Variants in SORL1 observed in about 807,000 individuals in gnomAD.
SORL1 encodes the protein sortilin-related receptor.
In SORL1, 127 loss-of-function variants were observed where a neutral mutation model predicts 273.7. That is an observed-to-expected ratio of 0.46 (90% CI 0.40 to 0.54). SORL1 has a LOEUF of 0.54. SORL1 is among the 20% of genes least tolerant of loss of function. The pLI is 0.00. For synonymous variants in SORL1, 1,031 were observed against 1,067.4 expected (o/e 0.97, Z 0.66); for missense variants, 2,494 against 2,846.1 (o/e 0.88, Z 2.81).
chr11:121,496,135 T>G (rs1258696754), intron 5 of SORL1, among the ~76,000 whole-genome samples: 2 of 152,186 alleles, frequency 1.3e-5, no homozygotes, highest in Non-Finnish European at 2.9e-5. Context: ...TGAGGAAGGC[T>G]TCCTGGAAGA....
At chr11:121,556,217 C>G (rs1400983896) in intron 18 of SORL1, among the ~76,000 whole-genome samples, 1 of 152,234 alleles carries the variant, frequency 6.6e-6, no homozygotes, top group African/African-American at 2.4e-5. Context: ...GCAGGACACA[C>G]ACGTTCTTGT....
chr11:121,460,791 GA>G (rs1860986531), intron 1 of SORL1, among the ~76,000 whole-genome samples: 1 of 152,204 alleles, frequency 6.6e-6, no homozygotes, highest in Non-Finnish European at 1.5e-5. Context: ...CACCTGTGGA[GA>G]AAGGCTAGCT....
rs78027917 is a variant in SORL1 at position 121,595,251 on chromosome 11, G to A, written c.4370-372G>A. Among the ~76,000 whole-genome samples, 22 of 152,256 alleles carry A rather than the reference G, an allele frequency of 1.4e-4. No individual in the cohort carries two copies. The highest frequency in any genetic ancestry group is 9.7e-4 in the East Asian group (5 of 5,176). ...GATGCCAGTTTCTGAACTTTTGGAGGACTGTGTGTTGTTGATCTGATTGGT... is the reference window on the plus strand; with the variant it reads ...GATGCCAGTTTCTGAACTTTTGGAGAACTGTGTGTTGTTGATCTGATTGGT... On this transcript the variant is annotated intron_variant, in intron 31 of 47. Transcript: ENST00000260197. This position sits in a 1 kb window ranked among gnomAD's most constrained non-coding sequence, Gnocchi z 5.1.
intron 6 of SORL1, among the ~76,000 whole-genome samples, chr11:121,504,304 C>T (rs960113554): frequency 2.2e-4 from 33 of 151,976 alleles, no homozygotes; most frequent in African/African-American, 7.2e-4. Context: ...CCTAGCTACT[C>T]GGGAGACTGA....
intron 25 of SORL1, 130 bp downstream of exon 25, chr11:121,577,530 C>G: frequency 9.7e-7 from 1 of 1,034,194 alleles, no homozygotes; most frequent in Middle Eastern, 2.2e-4. Context: ...GAGTTTCATG[C>G]TTCTCAAAGA....
rs1303946977 is a variant in SORL1, at chr11:121,625,166, T to C, written c.6253T>C (p.Ser2085Pro). ...TACTACTGACAATTTCTTTAAAATT[T>C]CCAACCTGAAGATGGGTCATAATTA... is the stretch of plus-strand genomic sequence containing the variant. ...GNTTDNFFKI[S>P]NLKMGHNYTF... Residue 2085 changes from serine to proline, a missense_variant, in exon 46 of 48, where the codon TCC (serine) becomes CCC (proline). Physicochemically the swap from Ser to Pro is moderately conservative, Grantham distance 74. Coordinates refer to ENST00000260197, the MANE Select transcript of SORL1 (RefSeq NM_003105.6). 4 of 1,614,006 alleles carry C rather than the reference T, an allele frequency of 2.5e-6. No homozygotes were observed. The highest frequency in any genetic ancestry group is 3.4e-6 in the Non-Finnish European group (4 of 1,179,856).
intron 8 of SORL1, among the ~76,000 whole-genome samples, chr11:121,515,226 C>T (rs1415260487): frequency 6.6e-6 from 1 of 152,178 alleles, no homozygotes; most frequent in Non-Finnish European, 1.5e-5. Context: ...GAACAAAGTC[C>T]CTCTTCCATG....
intron 32 of SORL1, among the ~76,000 whole-genome samples, chr11:121,597,689 A>G (rs1863318857): frequency 6.6e-6 from 1 of 152,088 alleles, no homozygotes; most frequent in Non-Finnish European, 1.5e-5. Context: ...CGAACTCCTG[A>G]CCTCAAGTGA....
intron 11 of SORL1, 53 bp downstream of exon 11, chr11:121,523,042 A>G: frequency 8.2e-7 from 1 of 1,216,582 alleles, no homozygotes; most frequent in Non-Finnish European, 1.2e-6. Context: ...CATTTGTGTG[A>G]GAATGTAGAC....
At chr11:121,492,276 G>A (rs544473510) in intron 5 of SORL1, among the ~76,000 whole-genome samples, 119 of 152,248 alleles carry the variant, frequency 7.8e-4, no homozygotes, top group Non-Finnish European at 3.5e-4. Flanking sequence ...CAGGAGAATC[G>A]CTTGAACCCG....
At chr11:121,590,726 A>G in intron 30 of SORL1, 1 of 675,354 alleles carries the variant, frequency 1.5e-6, no homozygotes. Context: ...TGTTTCTTTC[A>G]CCAGCCCCTG....
chr11:121,580,885 A>T (rs1047693342), intron 25 of SORL1, among the ~76,000 whole-genome samples: 11 of 150,258 alleles, frequency 7.3e-5, no homozygotes, highest in Non-Finnish European at 1.3e-4. Flanking sequence ...GATTACAGGT[A>T]TGAGCTACTG....
chr11:121,536,821 C>G (rs1862274546), intron 12 of SORL1, among the ~76,000 whole-genome samples: 1 of 151,986 alleles, frequency 6.6e-6, no homozygotes, highest in Non-Finnish European at 1.5e-5. Flanking sequence ...AGGAAAGATT[C>G]GAGGTGCCAG....
chr11:121,472,559 ATCC>A (rs889834611), intron 2 of SORL1, among the ~76,000 whole-genome samples: 4 of 152,172 alleles, frequency 2.6e-5, no homozygotes, highest in Admixed American at 2.0e-4. Context: ...ACATCCTGGG[ATCC>A]TCCCTTAATT....
At chr11:121,533,097 G>C (rs1218237228) in intron 12 of SORL1, among the ~76,000 whole-genome samples, 5 of 152,090 alleles carry the variant, frequency 3.3e-5, no homozygotes, top group Admixed American at 2.0e-4. Flanking sequence ...ATTAAGTGGA[G>C]GCTCTTTAAT....
rs1213429942 is a variant in SORL1, at chr11:121,452,742, T to G, written c.285+126T>G. The G allele has an allele frequency of 1.2e-6, 1 of 848,812 alleles. No homozygotes were observed. Among genetic ancestry groups the G allele is most frequent in the East Asian group, 3.4e-5 (1 of 29,850 alleles). 52.6% of individuals were successfully genotyped at this position (848,812 alleles called of 1,614,324 possible). On this transcript the variant is annotated intron_variant, in intron 1 of 47. Coordinates refer to ENST00000260197, the MANE Select transcript of SORL1 (RefSeq NM_003105.6). This position sits in a 1 kb window ranked among gnomAD's most constrained non-coding sequence, Gnocchi z 5.3. The stretch of plus-strand genomic sequence containing the variant: ...CACTGGGGACTTCCCGGCTTGCATT[T>G]GTTTTTTTCCTTCACGAGTACAACC...
At chr11:121,597,611 G>A (rs1304139064) in intron 32 of SORL1, among the ~76,000 whole-genome samples, 1 of 152,056 alleles carries the variant, frequency 6.6e-6, no homozygotes, top group African/African-American at 2.4e-5. Context: ...ACAGGCATGC[G>A]GCACCATGCC....
In SORL1 at chr11:121,554,700, G is replaced by A. The variant is rs944839664; in HGVS notation, c.2440-487G>A. ...TCCAACCCAACAGAAATTTCACAGT[G>A]CCTGGGTATTTGAGGGGCTTGGGGT... On this transcript the variant is annotated intron_variant, in intron 17 of 47. Transcript: ENST00000260197. The surrounding 1 kb of genome is among the most constrained non-coding windows in gnomAD (Gnocchi z 4.6). Among the ~76,000 whole-genome samples, 3 of 152,180 alleles carry A rather than the reference G, an allele frequency of 2.0e-5. No homozygotes were observed. Among genetic ancestry groups the A allele is most frequent in the Admixed American group, 6.5e-5 (1 of 15,280 alleles).
chr11:121,562,156 C>A (rs546442164), intron 21 of SORL1, among the ~76,000 whole-genome samples: 2 of 152,148 alleles, frequency 1.3e-5, no homozygotes, highest in African/African-American at 4.8e-5. Flanking sequence ...GCTAGCAAGT[C>A]AGATCAGTAG....
Sources: allele counts gnomAD v4.1 joint callset (sites outside exome capture counted in the v4.1 genomes callset), GRCh38; gene constraint gnomAD v4.1.1; non-coding constraint Gnocchi (gnomAD v3.1); transcripts MANE v1.5; gene names NCBI Gene and HGNC (gene_info 2026-07-23, HGNC 2026-07-21).